The following DAB1 variants were observed in gnomAD, a reference collection of about 807,000 sequenced individuals.
The protein encoded by DAB1 is disabled homolog 1.
Under a neutral mutation model 64.6 loss-of-function variants are expected in DAB1, and 15 were observed. The observed-to-expected ratio is 0.23, with a 90% CI of 0.16 to 0.36. DAB1 has a LOEUF of 0.36. DAB1 is among the 10% of genes least tolerant of loss of function. DAB1 has a pLI of 1.00. For missense variants in DAB1, 596 were observed against 706.7 expected (o/e 0.84, Z 1.78); for synonymous variants, 235 against 251.9 (o/e 0.93, Z 0.64).
intron 7 of DAB1, among the ~76,000 whole-genome samples, chr1:57,518,379 A>G (rs1644487279): frequency 6.6e-6 from 1 of 152,128 alleles, no homozygotes; most frequent in Non-Finnish European, 1.5e-5. Context: ...TCTCAACTCC[A>G]ATGCCACCTC....
intron 3 of DAB1, among the ~76,000 whole-genome samples, chr1:58,405,681 A>T (rs1454285125): frequency 6.6e-6 from 1 of 152,242 alleles, no homozygotes; most frequent in African/African-American, 2.4e-5. Context: ...AAACTCCAGG[A>T]GGAAAGTATC....
chr1:58,262,269 G>A (rs1261096671), intron 4 of DAB1, among the ~76,000 whole-genome samples: 1 of 152,174 alleles, frequency 6.6e-6, no homozygotes, highest in Non-Finnish European at 1.5e-5. Context: ...GGCTGTGCAA[G>A]CCCAAGGAAA....
chr1:57,077,497 T>C (rs1209754952), intron 4 of DAB1, among the ~76,000 whole-genome samples: 1 of 152,256 alleles, frequency 6.6e-6, no homozygotes, highest in African/African-American at 2.4e-5. Context: ...ATATGGTGGA[T>C]GCTCAATACA....
chr1:57,340,986 A>G (rs1023954435), intron 1 of DAB1, among the ~76,000 whole-genome samples: 2 of 152,204 alleles, frequency 1.3e-5, no homozygotes, highest in Non-Finnish European at 2.9e-5. Context: ...CCCAAGAAGT[A>G]TAAGAGCTGG....
At chr1:57,552,223 T>C (rs761812547) in intron 7 of DAB1, among the ~76,000 whole-genome samples, 1 of 152,200 alleles carries the variant, frequency 6.6e-6, no homozygotes, top group South Asian at 2.1e-4. Context: ...TCATGAGTCA[T>C]TTTTTATTCT....
intron 5 of DAB1, among the ~76,000 whole-genome samples, chr1:57,907,899 G>GTT (rs925495692): frequency 7.0e-6 from 1 of 143,616 alleles, no homozygotes; most frequent in Admixed American, 7.2e-5. Flanking sequence ...TAATAACATT[G>GTT]TTATATATAT....
At chr1:58,023,060 C>T (rs953889058) in intron 5 of DAB1, among the ~76,000 whole-genome samples, 1 of 152,160 alleles carries the variant, frequency 6.6e-6, no homozygotes, top group Non-Finnish European at 1.5e-5. Flanking sequence ...TCTGTGAAGA[C>T]ACTGAGATCC....
At chr1:57,132,337 G>A (rs1657713078) in intron 4 of DAB1, among the ~76,000 whole-genome samples, 1 of 152,156 alleles carries the variant, frequency 6.6e-6, no homozygotes, top group Non-Finnish European at 1.5e-5. Context: ...CTTGGCAGCT[G>A]TGAATTCACT....
chr1:58,494,218 G>C (rs1028250577), intron 3 of DAB1, among the ~76,000 whole-genome samples: 1 of 152,028 alleles, frequency 6.6e-6, no homozygotes, highest in Admixed American at 6.6e-5. Flanking sequence ...TAGCCATATG[G>C]AGAAAGCTGA....
chr1:57,262,531 T>C (rs1670259035), intron 2 of DAB1, among the ~76,000 whole-genome samples: 1 of 152,168 alleles, frequency 6.6e-6, no homozygotes, highest in Non-Finnish European at 1.5e-5. Flanking sequence ...AGCCACCAAA[T>C]AGGATGTGGC....
At chr1:58,323,588 G>A (rs1454861749) in intron 4 of DAB1, among the ~76,000 whole-genome samples, 1 of 151,854 alleles carries the variant, frequency 6.6e-6, no homozygotes, top group Non-Finnish European at 1.5e-5. Context: ...GGATACATTC[G>A]ACATACTCTC....
At chr1:57,825,685 T>G (rs1444420473), downstream of DAB1, among the ~76,000 whole-genome samples, 3 of 152,206 alleles carry the variant, frequency 2.0e-5, no homozygotes, top group Non-Finnish European at 2.9e-5. Context: ...AATGAACATT[T>G]GTTGATTGAA....
At chr1:58,224,268 A>G (rs140034363) in intron 4 of DAB1, among the ~76,000 whole-genome samples, 1 of 152,342 alleles carries the variant, frequency 6.6e-6, no homozygotes, top group Non-Finnish European at 1.5e-5. Context: ...AATTCATATT[A>G]AGTGTCTAGC....
chr1:57,897,306 T>C (rs1270529619), intron 5 of DAB1, among the ~76,000 whole-genome samples: 2 of 152,210 alleles, frequency 1.3e-5, no homozygotes. Flanking sequence ...TGTTTAATTA[T>C]TTCTGATGAA....
intron 5 of DAB1, among the ~76,000 whole-genome samples, chr1:58,146,768 G>T (rs985597772): frequency 4.0e-5 from 6 of 151,778 alleles, no homozygotes; most frequent in Admixed American, 3.3e-4. Flanking sequence ...TAGAATATAT[G>T]TGAATATATT....
intron 7 of DAB1, among the ~76,000 whole-genome samples, chr1:57,447,954 C>T (rs1686208898): frequency 6.6e-6 from 1 of 152,088 alleles, no homozygotes; most frequent in Non-Finnish European, 1.5e-5. Flanking sequence ...TTTGCCTCCT[C>T]AAAATCATCC....
intron 2 of DAB1, among the ~76,000 whole-genome samples, chr1:57,248,600 A>AT (rs1669079039): frequency 6.6e-6 from 1 of 152,210 alleles, no homozygotes; most frequent in Non-Finnish European, 1.5e-5. Context: ...AAAATTGACT[A>AT]CAAAAACAGT....
At chr1:58,175,381 A>G (rs1656411602) in intron 4 of DAB1, among the ~76,000 whole-genome samples, 1 of 152,078 alleles carries the variant, frequency 6.6e-6, no homozygotes, top group South Asian at 2.1e-4. Context: ...CGGACACACC[A>G]CCTTTAAGAA....
At chr1:58,525,137 G>A (rs1008775806) in intron 2 of DAB1, among the ~76,000 whole-genome samples, 3 of 152,078 alleles carry the variant, frequency 2.0e-5, no homozygotes, top group African/African-American at 7.2e-5. Context: ...TTTCATAACC[G>A]ATTTGTGTTT....
Sources: allele counts gnomAD v4.1 joint callset (sites outside exome capture counted in the v4.1 genomes callset), GRCh38; gene constraint gnomAD v4.1.1; transcripts MANE v1.5; gene names NCBI Gene and HGNC (gene_info 2026-07-23, HGNC 2026-07-21).